The following TFAP2B variants were observed in gnomAD, a reference collection of about 807,000 sequenced individuals.
TFAP2B encodes transcription factor AP-2 beta, also known as transcription factor AP-2-beta.
Under a neutral mutation model 44.3 loss-of-function variants are expected in TFAP2B, and 9 were observed. That is an observed-to-expected ratio of 0.20 (90% CI 0.12 to 0.35). The LOEUF is 0.35. TFAP2B is among the 10% of genes least tolerant of loss of function. The pLI is 1.00. For missense variants in TFAP2B, 509 were observed against 600.0 expected, an observed-to-expected ratio of 0.85 and a Z score of 1.59; for synonymous variants, 270 against 263.8, an observed-to-expected ratio of 1.02 and a Z score of -0.23.
chr6:50,844,583 G>A lies in TFAP2B; in HGVS notation c.*1191G>A, dbSNP rs1204579651. ...TGGCCAATATGATGGAAGCAGCTTT[G>A]AATCTACATGCTAACATTCCTCAAC... is the stretch of plus-strand genomic sequence containing the variant. On this transcript the variant is annotated 3_prime_UTR_variant, in exon 7 of 7. Transcript: ENST00000393655. The A allele has an allele frequency of 6.6e-6, 1 of 152,668 alleles. No individual in the cohort carries two copies. The highest frequency in any genetic ancestry group is 1.5e-5 in the Non-Finnish European group (1 of 68,048). The allele number at this position is 152,668 out of a possible 1,614,324, so 9.5% of individuals were successfully genotyped here.
chr6:50,820,947 G>A (rs376230850), intron 1 of TFAP2B, among the ~76,000 whole-genome samples: 84 of 151,394 alleles, frequency 5.5e-4, no homozygotes, highest in East Asian at 3.9e-3. Flanking sequence ...GGGAGAGAGA[G>A]AAAGAGAAAT....
intron 2 of TFAP2B, among the ~76,000 whole-genome samples, chr6:50,826,927 C>A (rs1378941094): frequency 2.0e-5 from 3 of 152,210 alleles, no homozygotes; most frequent in African/African-American, 7.2e-5. Flanking sequence ...CGCATGCAGT[C>A]CTAATTAAAT....
At chr6:50,821,889 G>C in intron 1 of TFAP2B, 2 of 298,310 alleles carry the variant, frequency 6.7e-6, no homozygotes, top group Non-Finnish European at 1.3e-5. Flanking sequence ...CCCGAAGAAC[G>C]GCAGAAGAAA....
At chr6:50,828,591 T>C (rs752819082) in intron 2 of TFAP2B, 28 bp from the exon 3 acceptor site, 2 of 1,593,020 alleles carry the variant, frequency 1.3e-6, no homozygotes, top group Non-Finnish European at 1.7e-6. Context: ...TCCTGTCAAT[T>C]TGAATAGTGA....
intron 3 of TFAP2B, among the ~76,000 whole-genome samples, chr6:50,835,786 G>A (rs1456465040): frequency 6.6e-6 from 1 of 152,162 alleles, no homozygotes; most frequent in African/African-American, 2.4e-5. Flanking sequence ...CCAAACTCTG[G>A]GTTGTTTGAT....
intron 1 of TFAP2B, among the ~76,000 whole-genome samples, chr6:50,820,445 G>A (rs1431406841): frequency 6.6e-6 from 1 of 152,258 alleles, no homozygotes; most frequent in African/African-American, 2.4e-5. Context: ...GTATGTAGGA[G>A]AGAGGAGGAG....
intron 6 of TFAP2B, 74 bp downstream of exon 6, chr6:50,840,371 G>A: frequency 6.3e-7 from 1 of 1,578,946 alleles, no homozygotes; most frequent in Non-Finnish European, 8.6e-7. Flanking sequence ...GTAGGTGGTG[G>A]GGAGGGGCAG....
rs1427606536 is a variant in TFAP2B, at chr6:50,829,660, A to G, written c.601+981A>G. On this transcript the variant is annotated intron_variant, in intron 3 of 6. Coordinates refer to ENST00000393655, the MANE Select transcript of TFAP2B (RefSeq NM_003221.4). ...AACAATCCTCAGCTTTCAATCATTT[A>G]TGATTCACTTGAGCCACTTGACATT... is the stretch of plus-strand genomic sequence containing the variant. Among the ~76,000 whole-genome samples, 3 of 152,242 alleles carry G rather than the reference A, an allele frequency of 2.0e-5. No individual in the cohort carries two copies. The East Asian group carries it at 5.8e-4, about 29-fold the overall frequency.
intron 2 of TFAP2B, among the ~76,000 whole-genome samples, chr6:50,825,708 A>T (rs942250880): frequency 6.6e-6 from 1 of 152,074 alleles, no homozygotes; most frequent in Non-Finnish European, 1.5e-5. Flanking sequence ...GGGAATACAG[A>T]CCACAGAGGT....
At chr6:50,836,534 A>T (rs936529269) in intron 4 of TFAP2B, among the ~76,000 whole-genome samples, 1 of 152,050 alleles carries the variant, frequency 6.6e-6, no homozygotes, top group Non-Finnish European at 1.5e-5. Flanking sequence ...CCTACCGCAG[A>T]TTTTGCCGCC....
At chr6:50,826,661 C>A (rs748738773) in intron 2 of TFAP2B, among the ~76,000 whole-genome samples, 1 of 151,688 alleles carries the variant, frequency 6.6e-6, no homozygotes, top group Non-Finnish European at 1.5e-5. Flanking sequence ...GAGAGAGAGA[C>A]AGAGGGAGTG....
At position 50,845,985 on chromosome 6, in the gene TFAP2B, C is replaced by G. The variant is rs376265721; in HGVS notation, c.*2593C>G. 1 of 152,636 alleles carries G rather than the reference C, an allele frequency of 6.6e-6. No individual in the cohort carries two copies. The allele number at this position is 152,636 out of a possible 1,614,324, so 9.5% of individuals were successfully genotyped here. ...CGCCGCCAGCGGCCACCCGGGGCGCCGGCTCCTGGAGGGAGAGTGGCCTAG... is the reference window on the plus strand; with the variant it reads ...CGCCGCCAGCGGCCACCCGGGGCGCGGGCTCCTGGAGGGAGAGTGGCCTAG... On this transcript the variant is annotated 3_prime_UTR_variant, in exon 7 of 7. Coordinates refer to ENST00000393655, the MANE Select transcript of TFAP2B (RefSeq NM_003221.4).
Position 50,840,315 on chromosome 6 carries a change from T to A in TFAP2B, c.1082+18T>A, listed in dbSNP as rs566350461. ...GCCACCAAGTGAGTTTATTAGACTC[T>A]GGGCCCTCATCTCACTCCCAGCTGG... On this transcript the variant is annotated intron_variant, in intron 6 of 6. Coordinates refer to ENST00000393655, the MANE Select transcript of TFAP2B (RefSeq NM_003221.4). 6.2e-7 allele frequency: 1 copy of A among 1,612,708 alleles called. No homozygotes were observed. Among genetic ancestry groups the A allele is most frequent in the Non-Finnish European group, 8.5e-7 (1 of 1,180,026 alleles).
chr6:50,835,971 C>A (rs1027642607), intron 3 of TFAP2B, 90 bp from the exon 4 acceptor site: 4 of 1,046,622 alleles, frequency 3.8e-6, no homozygotes, highest in Admixed American at 3.4e-5. Flanking sequence ...TGGTGTCTGT[C>A]CTGTGGCCTC....
intron 6 of TFAP2B, among the ~76,000 whole-genome samples, chr6:50,840,693 T>G (rs1762708307): frequency 6.6e-6 from 1 of 152,228 alleles, no homozygotes; most frequent in Non-Finnish European, 1.5e-5. Flanking sequence ...AAAACCCACG[T>G]GTACCCATCT....
chr6:50,828,713 T>C lies in TFAP2B; in HGVS notation c.601+34T>C, dbSNP rs375994651. The C allele has an allele frequency of 3.8e-5, 61 of 1,610,520 alleles. No individual in the cohort carries two copies. The African/African-American group carries it at 7.9e-4, about 21-fold the overall frequency. On this transcript the variant is annotated intron_variant, in intron 3 of 6. Coordinates refer to ENST00000393655, the MANE Select transcript of TFAP2B (RefSeq NM_003221.4). ...AATTCCCCCCAAAAAGTAAGCAAAG[T>C]TCTCTCATGCATTAACGTCTTTATG...
intron 5 of TFAP2B, 21 bp from the exon 6 acceptor site, chr6:50,840,135 C>A: frequency 6.2e-7 from 1 of 1,613,836 alleles, no homozygotes; most frequent in South Asian, 1.1e-5. Flanking sequence ...TGATTATTAC[C>A]TTTACTGCTG....
rs1770435749 is a variant in TFAP2B, at chr6:50,824,007, T to C, written c.540+142T>C. On this transcript the variant is annotated intron_variant, in intron 2 of 6. Coordinates refer to ENST00000393655, the MANE Select transcript of TFAP2B (RefSeq NM_003221.4). The stretch of plus-strand genomic sequence containing the variant: ...TTTAGAACAGGACTAGACAGTCATA[T>C]AGAACTGTTTATGTGTGTCTGTATG... 4 of 928,966 alleles carry C rather than the reference T, an allele frequency of 4.3e-6. No homozygotes were observed. In the South Asian group the frequency reaches 4.4e-5, roughly 10 times the overall value. The allele number at this position is 928,966 out of a possible 1,614,324, so 57.5% of individuals were successfully genotyped here.
chr6:50,831,373 T>A (rs2049112546), intron 3 of TFAP2B, among the ~76,000 whole-genome samples: 1 of 152,174 alleles, frequency 6.6e-6, no homozygotes, highest in South Asian at 2.1e-4. Flanking sequence ...ATTAATGCAA[T>A]CTGCAGGGAC....
Sources: allele counts gnomAD v4.1 joint callset (sites outside exome capture counted in the v4.1 genomes callset), GRCh38; gene constraint gnomAD v4.1.1; transcripts MANE v1.5; gene names NCBI Gene and HGNC (gene_info 2026-07-23, HGNC 2026-07-21).